The following ARHGEF7 variants were observed in gnomAD, a reference collection of about 807,000 sequenced individuals.
ARHGEF7 encodes PAK-interacting exchange factor beta.
In ARHGEF7, 33 loss-of-function variants were observed where a neutral mutation model predicts 109.8. The observed-to-expected ratio is 0.30, with a 90% CI of 0.23 to 0.40. The LOEUF (loss-of-function observed/expected upper bound fraction) is 0.40, where lower values mean the gene tolerates loss of function less well. Ranked by LOEUF, ARHGEF7 falls within the 10% of genes least tolerant of loss-of-function variation. ARHGEF7 has a pLI of 1.00. For synonymous variants in ARHGEF7, 458 were observed against 424.6 expected, an observed-to-expected ratio of 1.08 and a Z score of -0.97; for missense variants, 938 against 1,098.5, an observed-to-expected ratio of 0.85 and a Z score of 2.07.
At chr13:111,198,779 T>A (rs2080873826) in intron 2 of ARHGEF7, among the ~76,000 whole-genome samples, 1 of 152,204 alleles carries the variant, frequency 6.6e-6, no homozygotes, top group Admixed American at 6.5e-5. Context: ...TGCTGCTGGC[T>A]TGGGTGGCCA....
chr13:111,157,515 A>G (rs1196140965), intron 2 of ARHGEF7, among the ~76,000 whole-genome samples: 1 of 151,946 alleles, frequency 6.6e-6, no homozygotes, highest in Admixed American at 6.6e-5. Context: ...CCCCATCTCT[A>G]CTAATCACGC....
intron 1 of ARHGEF7, among the ~76,000 whole-genome samples, chr13:111,151,466 A>T (rs1448999645): frequency 6.6e-6 from 1 of 152,228 alleles, no homozygotes; most frequent in Non-Finnish European, 1.5e-5. Flanking sequence ...AATACTGCTC[A>T]CTACACTACA....
chr13:111,225,542 G>A (rs140801034), intron 5 of ARHGEF7, among the ~76,000 whole-genome samples: 1 of 151,806 alleles, frequency 6.6e-6, no homozygotes, highest in African/African-American at 2.4e-5. Flanking sequence ...CAAATGGAAG[G>A]CTTGTGGCAA....
At chr13:111,140,984 C>T (rs1278857261) in intron 1 of ARHGEF7, among the ~76,000 whole-genome samples, 1 of 152,140 alleles carries the variant, frequency 6.6e-6, no homozygotes, top group Non-Finnish European at 1.5e-5. Flanking sequence ...ACTACCACAC[C>T]CAGCCTGGAC....
Position 111,300,934 on chromosome 13 carries a change from A to G in ARHGEF7, c.2411+87A>G, listed in dbSNP as rs35643108. ...CAGACAACTCCCTGAGGGCGGGGGTATGGCTTCAGAAGCTTCACTTTTTTT... is the reference window on the plus strand; with the variant it reads ...CAGACAACTCCCTGAGGGCGGGGGTGTGGCTTCAGAAGCTTCACTTTTTTT... On this transcript the variant is annotated intron_variant, in intron 20 of 21. Transcript: ENST00000646102. 1,358 of 742,338 alleles carry G rather than the reference A, an allele frequency of 1.8e-3. 15 individuals are homozygous for G. In the African/African-American group the frequency reaches 0.022, roughly 12 times the overall value. 46.0% of individuals were successfully genotyped at this position (742,338 alleles called of 1,614,324 possible).
At chr13:111,157,064 A>T (rs1364925781) in intron 2 of ARHGEF7, among the ~76,000 whole-genome samples, 2 of 152,196 alleles carry the variant, frequency 1.3e-5, no homozygotes, top group African/African-American at 4.8e-5. Flanking sequence ...ACCTGTAGAA[A>T]ATCAGATATT....
At chr13:111,278,589 T>A (rs149323036) in intron 13 of ARHGEF7, among the ~76,000 whole-genome samples, 1 of 152,270 alleles carries the variant, frequency 6.6e-6, no homozygotes, top group African/African-American at 2.4e-5. Context: ...GTGAATCACA[T>A]ATGTAGGAAC....
At chr13:111,216,899 C>T (rs1231541897) in intron 4 of ARHGEF7, among the ~76,000 whole-genome samples, 1 of 152,250 alleles carries the variant, frequency 6.6e-6, no homozygotes, top group South Asian at 2.1e-4. Context: ...CTCTGCCTTC[C>T]TCTTTCTGCC....
At chr13:111,180,056 T>C (rs1035025779) in intron 2 of ARHGEF7, among the ~76,000 whole-genome samples, 2 of 152,216 alleles carry the variant, frequency 1.3e-5, no homozygotes, top group Non-Finnish European at 2.9e-5. Flanking sequence ...CCTACGTGCC[T>C]GAATTACTTC....
chr13:111,117,062 A>G (rs2153304504), intron 1 of ARHGEF7, among the ~76,000 whole-genome samples: 1 of 152,354 alleles, frequency 6.6e-6, no homozygotes, highest in Middle Eastern at 3.4e-3. Flanking sequence ...GGATACTGGT[A>G]CCTCTGGTAA....
chr13:111,301,449 ATG>A, intron 20 of ARHGEF7, 27 bp from the exon 21 acceptor site: 10 of 1,600,534 alleles, frequency 6.2e-6, no homozygotes, highest in South Asian at 1.1e-5. Context: ...CACCTTGTTC[ATG>A]TGTGTGTGTT....
chr13:111,222,653 T>C (rs2084612365), intron 5 of ARHGEF7, among the ~76,000 whole-genome samples: 1 of 152,206 alleles, frequency 6.6e-6, no homozygotes, highest in African/African-American at 2.4e-5. Flanking sequence ...GGTCTTGAAC[T>C]TCTGACCTCA....
chr13:111,118,197 A>G (rs2153309246), intron 1 of ARHGEF7, among the ~76,000 whole-genome samples: 1 of 152,334 alleles, frequency 6.6e-6, no homozygotes, highest in Non-Finnish European at 1.5e-5. Context: ...TATGTCTTTT[A>G]TTAAGAAACC....
chr13:111,160,481 C>G (rs1361247563), intron 2 of ARHGEF7, among the ~76,000 whole-genome samples: 1 of 152,114 alleles, frequency 6.6e-6, no homozygotes, highest in Non-Finnish European at 1.5e-5. Context: ...CTGACTGATA[C>G]GGTTTGCCTG....
intron 21 of ARHGEF7, among the ~76,000 whole-genome samples, chr13:111,302,363 A>C (rs1236380819): frequency 6.6e-6 from 1 of 152,188 alleles, no homozygotes; most frequent in Non-Finnish European, 1.5e-5. Context: ...TGGCCGAGGA[A>C]CAGCCTGAGA....
chr13:111,151,286 C>T (rs187924488), intron 1 of ARHGEF7, among the ~76,000 whole-genome samples: 2 of 152,306 alleles, frequency 1.3e-5, no homozygotes, highest in Admixed American at 6.5e-5. Flanking sequence ...AAAATTCTTC[C>T]GCAGCCTCCT....
At chr13:111,147,690 CTTTTTTT>C (rs11463808) in intron 1 of ARHGEF7, among the ~76,000 whole-genome samples, 1 of 82,348 alleles carries the variant, frequency 1.2e-5, no homozygotes, top group African/African-American at 5.1e-5. Flanking sequence ...CAGAGGTCAC[CTTTTTTT>C]TTTTTTTTTT....
chr13:111,252,817 G>A (rs1174666883), intron 8 of ARHGEF7, among the ~76,000 whole-genome samples: 3 of 152,276 alleles, frequency 2.0e-5, no homozygotes, highest in South Asian at 2.1e-4. Flanking sequence ...GGTAACTGGG[G>A]CCTCAGATTT....
chr13:111,200,105 C>T (rs370732891), intron 2 of ARHGEF7, among the ~76,000 whole-genome samples: 3 of 152,150 alleles, frequency 2.0e-5, no homozygotes, highest in African/African-American at 7.2e-5. Flanking sequence ...CGACTTTTCC[C>T]TACCATCTTT....
Sources: allele counts gnomAD v4.1 joint callset (sites outside exome capture counted in the v4.1 genomes callset), GRCh38; gene constraint gnomAD v4.1.1; transcripts MANE v1.5; gene names NCBI Gene and HGNC (gene_info 2026-07-23, HGNC 2026-07-21).